Variants in LRP1B observed in about 807,000 individuals in gnomAD.
The protein encoded by LRP1B is low-density lipoprotein receptor-related protein 1B.
Under a neutral mutation model 556.6 loss-of-function variants are expected in LRP1B, and 217 were observed. The observed-to-expected ratio is 0.39, with a 90% confidence interval of 0.35 to 0.44. The LOEUF is 0.44. Among genes scored for constraint, LRP1B ranks in the 20% least tolerant of loss-of-function variants. The pLI is 1.00. For missense variants in LRP1B, 5,053 were observed against 5,620.8 expected, an observed-to-expected ratio of 0.90 and a Z score of 3.23; for synonymous variants, 2,047 against 1,865.8, an observed-to-expected ratio of 1.10 and a Z score of -2.50.
chr2:141,154,086 A>C (rs1159896614), intron 7 of LRP1B, among the ~76,000 whole-genome samples: 1 of 151,900 alleles, frequency 6.6e-6, no homozygotes. Context: ...CTGGGCATAT[A>C]AACTGATGGT....
At chr2:141,186,351 TA>T (rs1438248069) in intron 7 of LRP1B, among the ~76,000 whole-genome samples, 8 of 152,042 alleles carry the variant, frequency 5.3e-5, no homozygotes. Context: ...GCAGTTTTTC[TA>T]ACCAAAAAAC....
At chr2:140,555,252 A>T (rs1015650367) in intron 43 of LRP1B, among the ~76,000 whole-genome samples, 9 of 151,796 alleles carry the variant, frequency 5.9e-5, no homozygotes, top group Non-Finnish European at 4.4e-5. Flanking sequence ...ATTACTTTAG[A>T]TGCTAGATTA....
chr2:140,260,176 A>G (rs1681869867), intron 86 of LRP1B, among the ~76,000 whole-genome samples: 3 of 151,984 alleles, frequency 2.0e-5, no homozygotes, highest in Admixed American at 6.6e-5. Flanking sequence ...AAGCAATAAT[A>G]TATATTATAA....
At chr2:141,412,981 C>A (rs560502139) in intron 3 of LRP1B, among the ~76,000 whole-genome samples, 5 of 152,242 alleles carry the variant, frequency 3.3e-5, no homozygotes, top group Non-Finnish European at 7.4e-5. Context: ...AATTCCAGTG[C>A]TTTGCAAGGC....
At chr2:141,780,397 C>CTT (rs1253613272) in intron 2 of LRP1B, among the ~76,000 whole-genome samples, 1 of 152,056 alleles carries the variant, frequency 6.6e-6, no homozygotes, top group African/African-American at 2.4e-5. Flanking sequence ...TTATGACACT[C>CTT]TGATTCTTCA....
At chr2:141,016,288 A>G (rs1697897881) in intron 12 of LRP1B, among the ~76,000 whole-genome samples, 1 of 152,144 alleles carries the variant, frequency 6.6e-6, no homozygotes, top group Non-Finnish European at 1.5e-5. Flanking sequence ...CAAAAAGTAT[A>G]TAATCAATTA....
At chr2:141,462,895 A>G (rs1240958500) in intron 3 of LRP1B, among the ~76,000 whole-genome samples, 1 of 152,220 alleles carries the variant, frequency 6.6e-6, no homozygotes, top group Non-Finnish European at 1.5e-5. Context: ...ATCATAAAAC[A>G]TGATCATAAA....
At chr2:140,383,197 T>A (rs1479823138) in intron 67 of LRP1B, among the ~76,000 whole-genome samples, 1 of 152,100 alleles carries the variant, frequency 6.6e-6, no homozygotes, top group African/African-American at 2.4e-5. Context: ...TAACAATAAC[T>A]GCCAAATGTA....
At chr2:140,519,607 A>G (rs1017112972) in intron 49 of LRP1B, among the ~76,000 whole-genome samples, 1 of 152,214 alleles carries the variant, frequency 6.6e-6, no homozygotes, top group Non-Finnish European at 1.5e-5. Flanking sequence ...CAAAATAGAC[A>G]AATGGGATCT....
In LRP1B at chr2:141,283,906, A is replaced by G. The variant is rs182795357; in HGVS notation, c.344-29265T>C. 6.8e-4 allele frequency among the ~76,000 whole-genome samples: 104 copies of G among 152,132 alleles called. 1 individual carries two copies. Among genetic ancestry groups the G allele is most frequent in the African/African-American group, 2.5e-3 (102 of 41,528 alleles). Reference sequence around the variant, plus strand: ...TTTTATAATTGTGGACAACTTTATCATTTTAGATAATAAAAAATTATCTGA... The same window carrying G: ...TTTTATAATTGTGGACAACTTTATCGTTTTAGATAATAAAAAATTATCTGA... On this transcript the variant is annotated intron_variant, in intron 3 of 90. Transcript: ENST00000389484.
intron 66 of LRP1B, among the ~76,000 whole-genome samples, chr2:140,428,117 G>T (rs1240201229): frequency 6.6e-6 from 1 of 151,958 alleles, no homozygotes; most frequent in African/African-American, 2.4e-5. Flanking sequence ...GACCCTAAAA[G>T]GTCAAAAAGC....
intron 32 of LRP1B, among the ~76,000 whole-genome samples, chr2:140,783,193 TA>T (rs1350364923): frequency 6.6e-6 from 1 of 152,132 alleles, no homozygotes; most frequent in Non-Finnish European, 1.5e-5. Context: ...TCATTAAAAC[TA>T]ATAACTTATT....
chr2:140,278,767 C>A (rs1336552081), intron 84 of LRP1B, among the ~76,000 whole-genome samples: 3 of 151,926 alleles, frequency 2.0e-5, no homozygotes, highest in African/African-American at 7.2e-5. Flanking sequence ...TCATTTTATG[C>A]TCTGAACCCT....
intron 1 of LRP1B, among the ~76,000 whole-genome samples, chr2:141,995,165 C>T (rs1007607047): frequency 6.6e-6 from 1 of 151,946 alleles, no homozygotes; most frequent in Non-Finnish European, 1.5e-5. Context: ...TCAAGCAACA[C>T]GAATTTATTT....
intron 35 of LRP1B, among the ~76,000 whole-genome samples, chr2:140,732,756 A>G (rs994183496): frequency 5.3e-5 from 8 of 152,154 alleles, no homozygotes; most frequent in African/African-American, 1.9e-4. Context: ...ATGAAGAGAC[A>G]TATAATTTAA....
At chr2:141,086,105 T>C (rs1158411011) in intron 7 of LRP1B, among the ~76,000 whole-genome samples, 2 of 152,204 alleles carry the variant, frequency 1.3e-5, no homozygotes, top group African/African-American at 4.8e-5. Context: ...CTGACTATTA[T>C]CCAGATTTGC....
chr2:141,613,396 C>G (rs1688180030), intron 2 of LRP1B, among the ~76,000 whole-genome samples: 1 of 152,108 alleles, frequency 6.6e-6, no homozygotes, highest in Admixed American at 6.6e-5. Context: ...ACCTGCACTT[C>G]CTCCTAATGA....
chr2:141,314,671 G>A lies in LRP1B; in HGVS notation c.344-60030C>T, dbSNP rs1262166538. Among the ~76,000 whole-genome samples, 3 of 151,098 alleles carry A rather than the reference G, an allele frequency of 2.0e-5. No individual in the cohort carries two copies. The East Asian group carries it at 5.9e-4, about 30-fold the overall frequency. ...CCGGGCGTGGTGGCGGGCACTGGTAGTCCCACCTAATCGGGAGGCTGAGGC... is the reference window on the plus strand; with the variant it reads ...CCGGGCGTGGTGGCGGGCACTGGTAATCCCACCTAATCGGGAGGCTGAGGC... On this transcript the variant is annotated intron_variant, in intron 3 of 90. Coordinates refer to ENST00000389484, the MANE Select transcript of LRP1B (RefSeq NM_018557.3).
Position 140,598,631 on chromosome 2 carries a change from A to G in LRP1B, c.7194T>C (p.His2398=), listed in dbSNP as rs770505769. Residue 2398 remains histidine, a splice_region_variant and synonymous_variant, in exon 43 of 91, where the codon CAT becomes CAC. Coordinates refer to ENST00000389484, the MANE Select transcript of LRP1B (RefSeq NM_018557.3). ...ACCAAGAAATTCCTGATTAACTTAC[A>G]TGTCTCTGGGATCCATCGTATTCAC... ...ERCEYDGSQR[H]VIVKSGPGTF... The G allele has an allele frequency of 3.7e-6, 6 of 1,609,654 alleles. No individual in the cohort carries two copies. The African/African-American group carries it at 4.0e-5, about 11-fold the overall frequency.
Sources: gnomAD v4.1 joint callset for allele counts (sites outside exome capture counted in the v4.1 genomes callset) on GRCh38, gnomAD v4.1.1 for gene constraint, MANE v1.5 for transcripts, NCBI Gene and HGNC (gene_info 2026-07-23, HGNC 2026-07-21) for gene names.